UST: variants seen among roughly 807,000 people sequenced by gnomAD.
UST encodes uronyl 2-sulfotransferase.
In UST, 21 loss-of-function variants were observed where a neutral mutation model predicts 45.6. The observed-to-expected ratio is 0.46, with a 90% CI of 0.33 to 0.66. The LOEUF (loss-of-function observed/expected upper bound fraction) is 0.66. UST is among the 30% of genes least tolerant of loss of function. The pLI is 0.02. For missense variants in UST, 463 were observed against 512.4 expected (o/e 0.90, Z 0.93); for synonymous variants, 215 against 200.6 (o/e 1.07, Z -0.61).
chr6:149,021,428 A>C lies in UST; in HGVS notation c.884A>C (p.Glu295Ala). Residue 295 changes from glutamate to alanine, a missense_variant, in exon 7 of 8, where the codon GAA becomes GCA. Around this residue, in one of 2 missense-constraint regions of UST, gnomAD observed 287 missense variants for 374.2 expected, o/e 0.77. Coordinates refer to ENST00000367463, the MANE Select transcript of UST (RefSeq NM_005715.3). ...TTGGAAGATGTGCTGCTGTTACTGG[A>C]AAGATTTTTACCTCATTACTTCAAG... ...EELEDVLLLL[E>A]RFLPHYFKGV... The C allele has an allele frequency of 1.2e-6, 2 of 1,614,156 alleles. No homozygotes were observed. Among genetic ancestry groups the C allele is most frequent in the South Asian group, 2.2e-5 (2 of 91,078 alleles).
intron 2 of UST, among the ~76,000 whole-genome samples, chr6:148,914,897 G>A (rs1437591585): frequency 1.3e-5 from 2 of 152,090 alleles, no homozygotes; most frequent in Admixed American, 6.6e-5. Context: ...ACCATAGACT[G>A]GGTAGCTTAT....
intron 5 of UST, among the ~76,000 whole-genome samples, chr6:148,976,167 A>G (rs1430292093): frequency 6.6e-6 from 1 of 152,222 alleles, no homozygotes; most frequent in Non-Finnish European, 1.5e-5. Context: ...TAATTTTTGA[A>G]CTGCAAATTA....
At chr6:148,815,599 T>C (rs1350322383) in intron 1 of UST, among the ~76,000 whole-genome samples, 1 of 152,198 alleles carries the variant, frequency 6.6e-6, no homozygotes, top group Non-Finnish European at 1.5e-5. Context: ...CACCCTTTAA[T>C]TTTAATGTGT....
rs528906691 is a variant in UST at position 148,968,004 on chromosome 6, C to T, written c.681+3441C>T. On this transcript the variant is annotated intron_variant, in intron 5 of 7. Transcript: ENST00000367463. ...GAACCCCAAAGAGGATGAGGACTCTCTCATTTTACAGGTGTGGGAACGGGC... is the reference window on the plus strand; with the variant it reads ...GAACCCCAAAGAGGATGAGGACTCTTTCATTTTACAGGTGTGGGAACGGGC... Among the ~76,000 whole-genome samples the T allele has an allele frequency of 7.2e-5, 11 of 152,272 alleles. No individual in the cohort carries two copies. The East Asian group carries it at 1.9e-3, about 27-fold the overall frequency.
At chr6:148,936,378 G>C (rs1314998176) in intron 2 of UST, among the ~76,000 whole-genome samples, 1 of 151,984 alleles carries the variant, frequency 6.6e-6, no homozygotes, top group Non-Finnish European at 1.5e-5. Context: ...GAGTATGGGG[G>C]GCACACAGAG....
intron 1 of UST, among the ~76,000 whole-genome samples, chr6:148,830,777 A>C (rs371671202): frequency 3.9e-5 from 6 of 152,190 alleles, no homozygotes; most frequent in Admixed American, 1.3e-4. Flanking sequence ...AAACGAAAAT[A>C]AAATGGTGGT....
chr6:148,789,358 C>G (rs1426213095), intron 1 of UST, among the ~76,000 whole-genome samples: 1 of 151,708 alleles, frequency 6.6e-6, no homozygotes, highest in African/African-American at 2.4e-5. Flanking sequence ...TTCTTAGAAG[C>G]TGCATCCAAT....
chr6:148,827,227 T>A (rs1337828856), intron 1 of UST, among the ~76,000 whole-genome samples: 1 of 152,232 alleles, frequency 6.6e-6, no homozygotes, highest in East Asian at 1.9e-4. Flanking sequence ...ATAGATTTGC[T>A]AATTTAATTC....
chr6:148,791,833 T>C (rs1359423969), intron 1 of UST, among the ~76,000 whole-genome samples: 2 of 152,208 alleles, frequency 1.3e-5, no homozygotes, highest in African/African-American at 4.8e-5. Context: ...ACATGGGAAC[T>C]CATATCTATC....
intron 7 of UST, among the ~76,000 whole-genome samples, chr6:149,050,539 A>G (rs968090954): frequency 2.0e-5 from 3 of 152,126 alleles, no homozygotes; most frequent in Admixed American, 1.3e-4. Flanking sequence ...ACATTTGCCT[A>G]TTTGCTTTTT....
chr6:148,839,001 G>A (rs1777843198), intron 1 of UST, among the ~76,000 whole-genome samples: 1 of 152,066 alleles, frequency 6.6e-6, no homozygotes, highest in Admixed American at 6.5e-5. Flanking sequence ...GCTAATATTC[G>A]GATTCAACTG....
chr6:148,824,440 G>C (rs956529757), intron 1 of UST, among the ~76,000 whole-genome samples: 1 of 152,148 alleles, frequency 6.6e-6, no homozygotes, highest in Non-Finnish European at 1.5e-5. Flanking sequence ...AGTCTTCTTT[G>C]AAGACTTAGA....
intron 5 of UST, among the ~76,000 whole-genome samples, chr6:149,007,531 G>T (rs1204792763): frequency 1.4e-5 from 2 of 145,810 alleles, no homozygotes; most frequent in Non-Finnish European, 3.0e-5. Flanking sequence ...CTCATGATCC[G>T]CCCGTCTCGG....
Position 149,010,450 on chromosome 6 carries a change from A to G in UST, c.682-8689A>G, listed in dbSNP as rs529241448. ...GGGATATTTCTGGGGGAGAGGCACT[A>G]CAGCTTCCACAGGGTCCTGCCCACA... is the stretch of plus-strand genomic sequence containing the variant. On this transcript the variant is annotated intron_variant, in intron 5 of 7. Transcript: ENST00000367463. 1.9e-3 allele frequency among the ~76,000 whole-genome samples: 289 copies of G among 152,264 alleles called. 2 individuals are homozygous for G. The highest frequency in any genetic ancestry group is 3.0e-3 in the Non-Finnish European group (205 of 68,008).
intron 5 of UST, among the ~76,000 whole-genome samples, chr6:148,977,579 G>A (rs549548962): frequency 2.0e-5 from 3 of 151,934 alleles, no homozygotes; most frequent in Non-Finnish European, 2.9e-5. Context: ...GTGAAACCCC[G>A]TCTCTACTAA....
chr6:148,951,403 AC>A (rs1409724629), intron 3 of UST, among the ~76,000 whole-genome samples: 2 of 152,058 alleles, frequency 1.3e-5, no homozygotes, highest in Non-Finnish European at 2.9e-5. Context: ...GTGTCTTCCC[AC>A]CCATCTTATT....
Position 148,999,554 on chromosome 6 carries a change from T to G in UST, c.682-19585T>G, listed in dbSNP as rs542174080. On this transcript the variant is annotated intron_variant, in intron 5 of 7. Transcript: ENST00000367463. Reference sequence around the variant, plus strand: ...AACACCATTAAGACAAACTCACTGCTATGATGTAACAGTGTCTCACAGGGT... The same window carrying G: ...AACACCATTAAGACAAACTCACTGCGATGATGTAACAGTGTCTCACAGGGT... 6.9e-4 allele frequency among the ~76,000 whole-genome samples: 105 copies of G among 152,372 alleles called. 1 individual carries two copies. The highest frequency in any genetic ancestry group is 5.5e-3 in the Admixed American group (84 of 15,310).
At chr6:148,964,617 C>G in intron 5 of UST, 54 bp downstream of exon 5, 1 of 1,599,138 alleles carries the variant, frequency 6.3e-7, no homozygotes, top group Non-Finnish European at 8.5e-7. Context: ...GGAGTGGGCC[C>G]TCCACCAGGG....
chr6:148,804,106 G>A (rs1777103647), intron 1 of UST, among the ~76,000 whole-genome samples: 1 of 152,184 alleles, frequency 6.6e-6, no homozygotes, highest in South Asian at 2.1e-4. Context: ...GGAAATGCAG[G>A]AACTGAAGAC....
Sources: gnomAD v4.1 joint callset for allele counts (sites outside exome capture counted in the v4.1 genomes callset) on GRCh38, gnomAD v4.1.1 for gene constraint, gnomAD v4.1.1 regional missense constraint, MANE v1.5 for transcripts, NCBI Gene and HGNC (gene_info 2026-07-23, HGNC 2026-07-21) for gene names.